Variants in LRPPRC observed in about 807,000 individuals in gnomAD.
The protein encoded by LRPPRC is leucine rich pentatricopeptide repeat containing.
A neutral mutation model predicts 180.3 loss-of-function variants in LRPPRC; 120 were observed. The observed-to-expected ratio is 0.67, with a 90% confidence interval of 0.57 to 0.77. The LOEUF (loss-of-function observed/expected upper bound fraction) is 0.77. Ranked by LOEUF, LRPPRC falls within the 30% of genes least tolerant of loss-of-function variation. LRPPRC has a pLI of 0.00. For synonymous variants in LRPPRC, 723 were observed against 600.0 expected, an observed-to-expected ratio of 1.21 and a Z score of -3.00; for missense variants, 2,012 against 1,657.2, an observed-to-expected ratio of 1.21 and a Z score of -3.72.
Position 43,950,619 on chromosome 2 carries a change from G to T in LRPPRC, c.1650-19C>A, listed in dbSNP as rs375528391. 6 of 1,610,024 alleles carry T rather than the reference G, an allele frequency of 3.7e-6. No homozygotes were observed. In the African/African-American group the frequency reaches 6.7e-5, roughly 18 times the overall value. ...CATAGACCTGCAGAGGGCAGCAAAGGATCGAAAATAAACCCAGGTTTATTT... is the reference window on the plus strand; with the variant it reads ...CATAGACCTGCAGAGGGCAGCAAAGTATCGAAAATAAACCCAGGTTTATTT... On this transcript the variant is annotated intron_variant, in intron 14 of 37. Coordinates refer to ENST00000260665, the MANE Select transcript of LRPPRC (RefSeq NM_133259.4).
chr2:43,995,507 CT>C (rs1186656378), intron 1 of LRPPRC, among the ~76,000 whole-genome samples: 2 of 152,268 alleles, frequency 1.3e-5, no homozygotes, highest in Non-Finnish European at 2.9e-5. Flanking sequence ...CAAAGCCCCC[CT>C]CATCTTCGTT....
intron 12 of LRPPRC, among the ~76,000 whole-genome samples, chr2:43,963,218 G>C (rs2103671235): frequency 6.6e-6 from 1 of 152,254 alleles, no homozygotes; most frequent in East Asian, 1.9e-4. Context: ...GCTGAGGCAG[G>C]TGGATCACCT....
At chr2:43,987,365 G>C (rs1341070055) in intron 1 of LRPPRC, among the ~76,000 whole-genome samples, 1 of 151,914 alleles carries the variant, frequency 6.6e-6, no homozygotes, top group African/African-American at 2.4e-5. Flanking sequence ...GGCCGTGGCG[G>C]GCGCCTATAG....
chr2:43,956,191 T>C (rs1238096091), intron 14 of LRPPRC, among the ~76,000 whole-genome samples: 2 of 151,524 alleles, frequency 1.3e-5, no homozygotes, highest in South Asian at 4.2e-4. Flanking sequence ...GCTAAGGAAA[T>C]TGTTCTGCAT....
Position 43,995,623 on chromosome 2 carries a change from T to C in LRPPRC, c.149+176A>G, listed in dbSNP as rs567640383. Among the ~76,000 whole-genome samples the C allele has an allele frequency of 2.6e-5, 4 of 152,302 alleles. No homozygotes were observed. The South Asian group carries it at 8.3e-4, about 32-fold the overall frequency. ...ACAGCCGTGACCTTCTGAAGGCGCT[T>C]AACCCTGTCACCCGAAAACCCCTGG... On this transcript the variant is annotated intron_variant, in intron 1 of 37. Coordinates refer to ENST00000260665, the MANE Select transcript of LRPPRC (RefSeq NM_133259.4).
intron 22 of LRPPRC, 23 bp from the exon 23 acceptor site, chr2:43,943,917 A>G (rs375383311): frequency 3.8e-5 from 59 of 1,550,242 alleles, no homozygotes; most frequent in Non-Finnish European, 3.7e-5. Context: ...AACACAAAAG[A>G]CCCTTAGGTA....
At chr2:43,941,149 C>A (rs1450935042) in intron 23 of LRPPRC, among the ~76,000 whole-genome samples, 2 of 152,114 alleles carry the variant, frequency 1.3e-5, no homozygotes, top group Non-Finnish European at 2.9e-5. Flanking sequence ...TTTCTATACC[C>A]ATAAAGCTTT....
chr2:43,899,945 TTTAAC>T (rs1670827157), intron 32 of LRPPRC, among the ~76,000 whole-genome samples: 1 of 152,240 alleles, frequency 6.6e-6, no homozygotes, highest in Non-Finnish European at 1.5e-5. Context: ...ATCTTAAATA[TTTAAC>T]TTAATTTTTG....
intron 15 of LRPPRC, 103 bp from the exon 16 acceptor site, chr2:43,949,762 GTA>G: frequency 1.3e-6 from 1 of 788,200 alleles, no homozygotes; most frequent in Non-Finnish European, 2.2e-6. Flanking sequence ...CCCCAGTAAG[GTA>G]CTATTCTATT....
At chr2:43,934,324 A>ATG (rs1558966153) in intron 24 of LRPPRC, 28 bp from the exon 25 acceptor site, 1 of 1,087,010 alleles carries the variant, frequency 9.2e-7, no homozygotes, top group Non-Finnish European at 1.4e-6. Flanking sequence ...AAATATATAT[A>ATG]TTAGGAGAAA....
At chr2:43,969,501 A>G (rs1673710981) in intron 11 of LRPPRC, among the ~76,000 whole-genome samples, 1 of 152,012 alleles carries the variant, frequency 6.6e-6, no homozygotes, top group Admixed American at 6.6e-5. Context: ...TTTTCCTGCA[A>G]TCAGAAAGAA....
At chr2:43,957,503 C>A (rs777533381) in intron 13 of LRPPRC, 52 bp from the exon 14 acceptor site, 76 of 1,288,030 alleles carry the variant, frequency 5.9e-5, no homozygotes, top group Non-Finnish European at 8.3e-5. Flanking sequence ...AATTTAAAAA[C>A]CCTGTATTAT....
intron 11 of LRPPRC, among the ~76,000 whole-genome samples, chr2:43,969,350 T>A (rs571662946): frequency 2.0e-5 from 3 of 150,706 alleles, no homozygotes; most frequent in Admixed American, 6.6e-5. Context: ...AGGCAGAGCT[T>A]GCAGTGAGCC....
intron 35 of LRPPRC, chr2:43,896,364 C>T: frequency 8.6e-6 from 3 of 348,724 alleles, no homozygotes; most frequent in Non-Finnish European, 1.6e-5. Flanking sequence ...AGCCACCATG[C>T]CCAGCCTAAT....
chr2:43,908,698 C>T (rs999381372), intron 30 of LRPPRC, among the ~76,000 whole-genome samples: 3 of 151,850 alleles, frequency 2.0e-5, no homozygotes, highest in Non-Finnish European at 4.4e-5. Flanking sequence ...ACTAATTTTT[C>T]GTATTTTTAG....
intron 36 of LRPPRC, among the ~76,000 whole-genome samples, chr2:43,893,229 G>GA (rs1328998043): frequency 6.6e-6 from 1 of 152,236 alleles, no homozygotes; most frequent in Admixed American, 6.5e-5. Flanking sequence ...ACACTGTTGA[G>GA]ATGACAACAA....
intron 36 of LRPPRC, among the ~76,000 whole-genome samples, chr2:43,891,716 GCCTCTAAGTGT>G (rs1670498782): frequency 6.6e-6 from 1 of 152,108 alleles, no homozygotes; most frequent in Admixed American, 6.5e-5. Context: ...CCCTATTATA[GCCTCTAAGTGT>G]TCAAGTGAAA....
chr2:43,926,285 C>G (rs1183391947), intron 25 of LRPPRC, among the ~76,000 whole-genome samples: 1 of 152,108 alleles, frequency 6.6e-6, no homozygotes, highest in Non-Finnish European at 1.5e-5. Flanking sequence ...TTCCATAAAT[C>G]TTTAATTAAT....
At chr2:43,949,459 A>G in intron 16 of LRPPRC, 143 bp downstream of exon 16, 1 of 695,500 alleles carries the variant, frequency 1.4e-6, no homozygotes, top group South Asian at 1.6e-5. Context: ...AAAATGTTGT[A>G]ATCAATATAA....
Sources: allele counts gnomAD v4.1 joint callset (sites outside exome capture counted in the v4.1 genomes callset), GRCh38; gene constraint gnomAD v4.1.1; transcripts MANE v1.5; gene names NCBI Gene and HGNC (gene_info 2026-07-23, HGNC 2026-07-21).